SLC35F2: variants seen among roughly 807,000 people sequenced by gnomAD.
SLC35F2 encodes solute carrier family 35 member F2, also known as queuine/queuosine transporter SLC35F2.
SLC35F2 carries 25 observed loss-of-function variants against 38.1 expected under a neutral mutation model. That is an observed-to-expected ratio of 0.66 (90% CI 0.48 to 0.92). The LOEUF (loss-of-function observed/expected upper bound fraction) is 0.92, where lower values mean the gene tolerates loss of function less well. Among genes scored for constraint, SLC35F2 ranks in the 40% least tolerant of loss-of-function variants. The probability of loss-of-function intolerance (pLI) is 0.00; values close to 1 mark genes in which losing one functional copy is unlikely to be tolerated. For missense variants in SLC35F2, 409 were observed against 452.9 expected, an observed-to-expected ratio of 0.90 and a Z score of 0.88; for synonymous variants, 173 against 181.7, an observed-to-expected ratio of 0.95 and a Z score of 0.38.
chr11:107,858,702 C>G lies in SLC35F2; in HGVS notation c.66G>C (p.Glu22Asp). Residue 22 changes from glutamate to aspartate, a missense_variant, in exon 1 of 8, where the codon GAG (glutamate) becomes GAC (aspartate). By Grantham distance (45) the Glu-to-Asp change is conservative. Coordinates refer to ENST00000525815, the MANE Select transcript of SLC35F2 (RefSeq NM_017515.5). ...TTATCCTGCGCAGCAGGCTGGAGAA[C>G]TCGGCCGCCGCTCCCTCCGCGAGGG... is the stretch of plus-strand genomic sequence containing the variant. ...PEPLAEGAAAEFSSLLRRIKG... is the reference protein window; with the variant it reads ...PEPLAEGAAADFSSLLRRIKG... The G allele has an allele frequency of 7.7e-7, 1 of 1,300,532 alleles. No homozygotes were observed. The highest frequency in any genetic ancestry group is 9.8e-7 in the Non-Finnish European group (1 of 1,016,678). 80.6% of individuals were successfully genotyped at this position (1,300,532 alleles called of 1,614,324 possible).
chr11:107,810,043 G>A (rs368997649), intron 3 of SLC35F2: 1 of 985,412 alleles, frequency 1.0e-6, no homozygotes. Flanking sequence ...GAATCCTTAA[G>A]AAGAAGGTTC....
chr11:107,818,079 A>AGAAAGAAAGAAG (rs1859609067), intron 1 of SLC35F2, among the ~76,000 whole-genome samples: 1 of 87,520 alleles, frequency 1.1e-5, no homozygotes, highest in Admixed American at 1.1e-4. Context: ...AAAAAAAGAA[A>AGAAAGAAAGAAG]GAAAGAAAGA....
At chr11:107,829,649 G>A (rs933363242) in intron 1 of SLC35F2, among the ~76,000 whole-genome samples, 3 of 148,800 alleles carry the variant, frequency 2.0e-5, no homozygotes, top group Admixed American at 6.7e-5. Context: ...ACCTCTTGAT[G>A]GTAGTACATA....
intron 7 of SLC35F2, among the ~76,000 whole-genome samples, chr11:107,800,180 G>A (rs1320886125): frequency 6.6e-6 from 1 of 151,916 alleles, no homozygotes; most frequent in Non-Finnish European, 1.5e-5. Flanking sequence ...GAGCCACTGC[G>A]CCCGGCCTGG....
intron 1 of SLC35F2, among the ~76,000 whole-genome samples, chr11:107,822,832 CAG>C (rs567683123): frequency 1.3e-5 from 2 of 151,954 alleles, no homozygotes; most frequent in Non-Finnish European, 1.5e-5. Flanking sequence ...AGAAGGTTCA[CAG>C]AGGAGTCAAA....
chr11:107,857,777 A>AGCCACGG (rs1860316935), intron 1 of SLC35F2, among the ~76,000 whole-genome samples: 1 of 152,108 alleles, frequency 6.6e-6, no homozygotes, highest in Admixed American at 6.6e-5. Flanking sequence ...TCACCCCTTA[A>AGCCACGG]AGATCATCTT....
intron 1 of SLC35F2, among the ~76,000 whole-genome samples, chr11:107,827,889 C>T (rs938481132): frequency 3.3e-5 from 5 of 151,878 alleles, no homozygotes; most frequent in Non-Finnish European, 5.9e-5. Flanking sequence ...CCAGCCTGGG[C>T]GATAGAGTAA....
chr11:107,836,263 TA>T (rs942139905), intron 1 of SLC35F2, among the ~76,000 whole-genome samples: 1 of 152,156 alleles, frequency 6.6e-6, no homozygotes, highest in Admixed American at 6.5e-5. Context: ...TCATGAGCTC[TA>T]GAAAGCTGTA....
At chr11:107,819,341 T>C (rs1859634321) in intron 1 of SLC35F2, among the ~76,000 whole-genome samples, 1 of 152,146 alleles carries the variant, frequency 6.6e-6, no homozygotes, top group African/African-American at 2.4e-5. Context: ...AAAGGGAAGG[T>C]GATGATGTCA....
chr11:107,834,782 A>C (rs1045207485), intron 1 of SLC35F2, among the ~76,000 whole-genome samples: 3 of 152,314 alleles, frequency 2.0e-5, no homozygotes, highest in African/African-American at 7.2e-5. Context: ...TATCATATAT[A>C]CTCATATCTA....
chr11:107,833,007 T>G (rs1261060783), intron 1 of SLC35F2, among the ~76,000 whole-genome samples: 1 of 152,226 alleles, frequency 6.6e-6, no homozygotes, highest in Admixed American at 6.5e-5. Flanking sequence ...ATTTCCAAAC[T>G]GCTGACTTAA....
chr11:107,803,656 A>T (rs1859350486), intron 6 of SLC35F2: 1 of 282,856 alleles, frequency 3.5e-6, no homozygotes, highest in Admixed American at 6.5e-5. Flanking sequence ...TCATTAAATT[A>T]AGTGCTCCGA....
intron 1 of SLC35F2, among the ~76,000 whole-genome samples, chr11:107,854,028 G>A (rs1344552266): frequency 1.3e-5 from 2 of 152,026 alleles, no homozygotes; most frequent in Non-Finnish European, 2.9e-5. Context: ...ATCAGCCTGA[G>A]TGACAAAGCA....
chr11:107,846,908 T>C lies in SLC35F2; in HGVS notation c.110+11750A>G, dbSNP rs1860111133. On this transcript the variant is annotated intron_variant, in intron 1 of 7. Coordinates refer to ENST00000525815, the MANE Select transcript of SLC35F2 (RefSeq NM_017515.5). ...TCATGCCACTGCACTCCAGCCTGAGTGTCAGAGCGAGACTCTGTCTCAAAA... is the reference window on the plus strand; with the variant it reads ...TCATGCCACTGCACTCCAGCCTGAGCGTCAGAGCGAGACTCTGTCTCAAAA... Among the ~76,000 whole-genome samples the C allele has an allele frequency of 2.1e-5, 3 of 145,102 alleles. No individual in the cohort carries two copies. In the South Asian group the frequency reaches 6.8e-4, roughly 33 times the overall value.
At chr11:107,855,924 C>A (rs375026634) in intron 1 of SLC35F2, among the ~76,000 whole-genome samples, 234 of 150,990 alleles carry the variant, frequency 1.5e-3, no homozygotes, top group African/African-American at 5.2e-3. Flanking sequence ...ACCAGCCTGG[C>A]CAACATGGTG....
At chr11:107,819,685 G>A (rs1859639867) in intron 1 of SLC35F2, among the ~76,000 whole-genome samples, 2 of 152,208 alleles carry the variant, frequency 1.3e-5, no homozygotes, top group South Asian at 4.1e-4. Flanking sequence ...TTCATTTTGT[G>A]TCATTATTCC....
intron 1 of SLC35F2, among the ~76,000 whole-genome samples, chr11:107,826,659 G>C (rs1004089050): frequency 2.6e-5 from 4 of 152,038 alleles, no homozygotes; most frequent in African/African-American, 9.7e-5. Context: ...ATGTAAGTAT[G>C]TTACATAACT....
At chr11:107,807,287 C>CAAAAAAAAA in intron 3 of SLC35F2, among the ~76,000 whole-genome samples, 1 of 52,626 alleles carries the variant, frequency 1.9e-5, no homozygotes, top group Admixed American at 1.5e-4. Flanking sequence ...AAAAAAAAAA[C>CAAAAAAAAA]AACAACAAAA....
chr11:107,796,785 C>G (rs1859223930), intron 7 of SLC35F2, among the ~76,000 whole-genome samples: 1 of 152,182 alleles, frequency 6.6e-6, no homozygotes, highest in African/African-American at 2.4e-5. Context: ...CCTCCCACCT[C>G]AGCCTCCCAA....
Sources: allele counts gnomAD v4.1 joint callset (sites outside exome capture counted in the v4.1 genomes callset), GRCh38; gene constraint gnomAD v4.1.1; transcripts MANE v1.5; gene names NCBI Gene and HGNC (gene_info 2026-07-23, HGNC 2026-07-21).